CNTN5: variants seen among roughly 807,000 people sequenced by gnomAD.
CNTN5 encodes the protein contactin-5.
Under a neutral mutation model 129.1 loss-of-function variants are expected in CNTN5, and 77 were observed. The observed-to-expected ratio is 0.60, with a 90% CI of 0.50 to 0.72. The LOEUF (loss-of-function observed/expected upper bound fraction) is 0.72. Ranked by LOEUF, CNTN5 falls within the 30% of genes least tolerant of loss-of-function variation. The pLI, the probability that CNTN5 is intolerant of heterozygous loss-of-function variation, is 0.00. For missense variants in CNTN5, 1,478 were observed against 1,328.8 expected (o/e 1.11, Z -1.75); for synonymous variants, 509 against 465.6 (o/e 1.09, Z -1.20).
intron 1 of CNTN5, among the ~76,000 whole-genome samples, chr11:99,087,040 A>G (rs1262204082): frequency 6.6e-6 from 1 of 152,206 alleles, no homozygotes; most frequent in African/African-American, 2.4e-5. Context: ...CTTGATTTTG[A>G]GTCCACTGAA....
At chr11:99,211,183 T>A (rs912609513) in intron 1 of CNTN5, among the ~76,000 whole-genome samples, 1 of 152,132 alleles carries the variant, frequency 6.6e-6, no homozygotes, top group Non-Finnish European at 1.5e-5. Context: ...TGTCTCAGTT[T>A]TCTATAAAAT....
chr11:99,463,136 T>A (rs1591102445), intron 2 of CNTN5, among the ~76,000 whole-genome samples: 1 of 147,618 alleles, frequency 6.8e-6, no homozygotes, highest in East Asian at 2.0e-4. Context: ...AATAAATAAA[T>A]AAATAAATAA....
In CNTN5 at chr11:99,920,434, T is replaced by G. The variant is rs545230620; in HGVS notation, c.673+4285T>G. Among the ~76,000 whole-genome samples the G allele has an allele frequency of 7.2e-4, 109 of 152,328 alleles. 1 individual carries two copies. In the Middle Eastern group the frequency reaches 0.01, roughly 14 times the overall value. On this transcript the variant is annotated intron_variant, in intron 7 of 24. Transcript: ENST00000524871. ...ATACATCTCTAACCCAGACTCTGGC[T>G]TGTATGTATATCCAACTGCCTATCA...
At chr11:99,585,352 A>G (rs927422544) in intron 3 of CNTN5, among the ~76,000 whole-genome samples, 1 of 152,216 alleles carries the variant, frequency 6.6e-6, no homozygotes, top group Non-Finnish European at 1.5e-5. Context: ...TGCTTCAAAA[A>G]GAACAAAACT....
chr11:100,296,002 AT>A (rs775285284), intron 18 of CNTN5, among the ~76,000 whole-genome samples: 10 of 151,514 alleles, frequency 6.6e-5, no homozygotes, highest in Non-Finnish European at 1.3e-4. Flanking sequence ...TTATTAATAT[AT>A]TTTATCCACT....
intron 1 of CNTN5, among the ~76,000 whole-genome samples, chr11:99,089,477 T>G (rs1310435120): frequency 3.9e-5 from 6 of 152,238 alleles, no homozygotes; most frequent in Non-Finnish European, 1.5e-5. Flanking sequence ...GAATAGTGTT[T>G]TCACGACTTG....
At chr11:100,021,606 T>C (rs896154877) in intron 9 of CNTN5, among the ~76,000 whole-genome samples, 3 of 152,206 alleles carry the variant, frequency 2.0e-5, no homozygotes, top group Non-Finnish European at 2.9e-5. Context: ...AAATCAACTT[T>C]GTCTGATATT....
intron 2 of CNTN5, among the ~76,000 whole-genome samples, chr11:99,376,187 G>T (rs1356943653): frequency 1.3e-5 from 2 of 152,162 alleles, no homozygotes; most frequent in African/African-American, 4.8e-5. Flanking sequence ...TCATGTTCCA[G>T]TCTCAGTGTA....
chr11:100,235,658 TC>T (rs1949597528), intron 16 of CNTN5, among the ~76,000 whole-genome samples: 1 of 152,120 alleles, frequency 6.6e-6, no homozygotes, highest in Non-Finnish European at 1.5e-5. Context: ...TAGTGTGCCT[TC>T]TTCTGGGAAC....
intron 7 of CNTN5, among the ~76,000 whole-genome samples, chr11:99,941,571 A>ACACACACACACACACACAC (rs140118352): frequency 1.3e-5 from 2 of 148,270 alleles, no homozygotes; most frequent in Admixed American, 6.8e-5. Flanking sequence ...ACATAAGACA[A>ACACACACACACACACACAC]ACACACACAC....
In CNTN5 at chr11:99,163,239, T is replaced by G. The variant is rs77515678; in HGVS notation, c.-210+141969T>G. ...CCTTTAATTTTACTGAGATATGACT[T>G]CTTAGAAGGAAAATAAATTTACGTT... On this transcript the variant is annotated intron_variant, in intron 1 of 24. Transcript: ENST00000524871. 1.2e-3 allele frequency among the ~76,000 whole-genome samples: 184 copies of G among 152,268 alleles called. 2 individuals are homozygous for G. The highest frequency in any genetic ancestry group is 4.2e-3 in the African/African-American group (175 of 41,574).
chr11:100,230,358 T>C (rs1456133872), intron 16 of CNTN5, among the ~76,000 whole-genome samples: 1 of 152,190 alleles, frequency 6.6e-6, no homozygotes, highest in Non-Finnish European at 1.5e-5. Flanking sequence ...CTCTAATTAG[T>C]GTGATTGACA....
At chr11:99,578,130 C>T (rs961319064) in intron 3 of CNTN5, among the ~76,000 whole-genome samples, 2 of 152,016 alleles carry the variant, frequency 1.3e-5, no homozygotes, top group African/African-American at 2.4e-5. Context: ...TTTCCAGTTT[C>T]ATCCATGTCC....
intron 3 of CNTN5, among the ~76,000 whole-genome samples, chr11:99,781,856 G>C (rs975294452): frequency 2.0e-5 from 3 of 151,964 alleles, no homozygotes; most frequent in African/African-American, 2.4e-5. Context: ...TATGACAAAC[G>C]CACAGCCAAT....
chr11:100,253,980 C>A lies in CNTN5; in HGVS notation c.2006-1780C>A, dbSNP rs148418236. Reference sequence around the variant, plus strand: ...CTTGACTCCTTTTTTTTATTCTAGTCTGTCAGCCCCATTCTGGCTTCCTCT... The same window carrying A: ...CTTGACTCCTTTTTTTTATTCTAGTATGTCAGCCCCATTCTGGCTTCCTCT... On this transcript the variant is annotated intron_variant, in intron 16 of 24. Coordinates refer to ENST00000524871, the MANE Select transcript of CNTN5 (RefSeq NM_014361.4). Among the ~76,000 whole-genome samples, 555 of 152,148 alleles carry A rather than the reference C, an allele frequency of 3.6e-3. 2 individuals carry two copies. Among genetic ancestry groups the A allele is most frequent in the Non-Finnish European group, 6.3e-3 (425 of 67,976 alleles).
chr11:99,855,388 G>T (rs997570818), intron 6 of CNTN5, among the ~76,000 whole-genome samples: 3 of 152,134 alleles, frequency 2.0e-5, no homozygotes, highest in African/African-American at 7.2e-5. Context: ...GATAGAAACA[G>T]AAATCATAAT....
chr11:99,572,126 T>C (rs1237990423), intron 3 of CNTN5, among the ~76,000 whole-genome samples: 1 of 152,192 alleles, frequency 6.6e-6, no homozygotes, highest in African/African-American at 2.4e-5. Flanking sequence ...AAGTTTGTTA[T>C]ATGTAAGCCA....
In CNTN5 at chr11:100,287,936, A is replaced by G. The variant is rs1950836665; in HGVS notation, c.2315-9689A>G. Among the ~76,000 whole-genome samples, 3 of 152,160 alleles carry G rather than the reference A, an allele frequency of 2.0e-5. No individual in the cohort carries two copies. In the South Asian group the frequency reaches 6.2e-4, roughly 32 times the overall value. On this transcript the variant is annotated intron_variant, in intron 18 of 24. Coordinates refer to ENST00000524871, the MANE Select transcript of CNTN5 (RefSeq NM_014361.4). ...AGATCTACCAAGCAAATGGAAAACAAAAAAAGGCAGGGGTTGCAATCCCAG... is the reference window on the plus strand; with the variant it reads ...AGATCTACCAAGCAAATGGAAAACAGAAAAAGGCAGGGGTTGCAATCCCAG...
At chr11:99,627,221 A>G (rs970937936) in intron 3 of CNTN5, among the ~76,000 whole-genome samples, 3 of 152,128 alleles carry the variant, frequency 2.0e-5, no homozygotes, top group African/African-American at 4.8e-5. Flanking sequence ...TCTAGCAGCT[A>G]TATCCCTCGC....
Sources: allele counts gnomAD v4.1 joint callset (sites outside exome capture counted in the v4.1 genomes callset), GRCh38; gene constraint gnomAD v4.1.1; transcripts MANE v1.5; gene names NCBI Gene and HGNC (gene_info 2026-07-23, HGNC 2026-07-21).